Variants in PARD3 observed in about 807,000 individuals in gnomAD.
The protein encoded by PARD3 is partitioning defective 3 homolog.
PARD3 carries 75 observed loss-of-function variants against 155.4 expected under a neutral mutation model. The ratio of observed to expected loss-of-function variants is 0.48; its 90% confidence interval spans 0.40 to 0.58. The LOEUF (loss-of-function observed/expected upper bound fraction) is 0.58, where lower values mean the gene tolerates loss of function less well. Among genes scored for constraint, PARD3 ranks in the 20% least tolerant of loss-of-function variants. PARD3 has a pLI of 0.00. For missense variants in PARD3, 1,642 were observed against 1,721.7 expected (o/e 0.95, Z 0.82); for synonymous variants, 576 against 610.5 (o/e 0.94, Z 0.83).
intron 1 of PARD3, among the ~76,000 whole-genome samples, chr10:34,724,030 C>T (rs1186927664): frequency 5.9e-5 from 9 of 152,198 alleles, no homozygotes; most frequent in Admixed American, 5.2e-4. Context: ...TTCCTGTTCA[C>T]TGCAGAGGGA....
At chr10:34,547,022 CT>C (rs1474400650) in intron 2 of PARD3, among the ~76,000 whole-genome samples, 4 of 152,180 alleles carry the variant, frequency 2.6e-5, no homozygotes, top group African/African-American at 9.7e-5. Flanking sequence ...TTTTTATAAA[CT>C]TTAGTTTCTC....
chr10:34,141,067 T>C (rs1442818345), intron 22 of PARD3, among the ~76,000 whole-genome samples: 3 of 152,226 alleles, frequency 2.0e-5, no homozygotes, highest in Non-Finnish European at 2.9e-5. Context: ...CAGACATTTA[T>C]GATATTGCAC....
At chr10:34,266,309 G>A (rs10827342) in intron 22 of PARD3, among the ~76,000 whole-genome samples, 39,772 of 151,890 alleles carry the variant, frequency 0.26, 6,379 homozygotes, top group South Asian at 0.46. Flanking sequence ...AACAGACAAT[G>A]GAGGTGATAC....
At chr10:34,766,260 G>A (rs1165231650) in intron 1 of PARD3, among the ~76,000 whole-genome samples, 1 of 152,118 alleles carries the variant, frequency 6.6e-6, no homozygotes, top group Non-Finnish European at 1.5e-5. Context: ...CTGTATGGGG[G>A]ACGTGGGGGG....
intron 2 of PARD3, among the ~76,000 whole-genome samples, chr10:34,676,304 T>C (rs563326105): frequency 6.6e-6 from 1 of 152,316 alleles, no homozygotes; most frequent in East Asian, 1.9e-4. Context: ...TGTCACATCC[T>C]GGCTCCTAGC....
At chr10:34,534,132 G>A (rs2083054296) in intron 2 of PARD3, among the ~76,000 whole-genome samples, 1 of 151,984 alleles carries the variant, frequency 6.6e-6, no homozygotes, top group African/African-American at 2.4e-5. Context: ...CGGGCATGGT[G>A]GCGGGCGCCT....
intron 1 of PARD3, among the ~76,000 whole-genome samples, chr10:34,760,467 G>T (rs1214518665): frequency 6.6e-6 from 1 of 152,136 alleles, no homozygotes; most frequent in Admixed American, 6.6e-5. Context: ...AAGTACCTGG[G>T]ATTACAGGCA....
chr10:34,576,342 TC>T (rs2086887983), intron 2 of PARD3, among the ~76,000 whole-genome samples: 1 of 152,152 alleles, frequency 6.6e-6, no homozygotes, highest in Non-Finnish European at 1.5e-5. Context: ...GCTTGTGCAT[TC>T]TCTCATCAGC....
At chr10:34,457,358 G>A (rs2077392499) in intron 4 of PARD3, among the ~76,000 whole-genome samples, 1 of 152,174 alleles carries the variant, frequency 6.6e-6, no homozygotes, top group African/African-American at 2.4e-5. Flanking sequence ...ATGCTCGTTT[G>A]AACCAATTTT....
At chr10:34,583,071 C>T (rs913454331) in intron 2 of PARD3, among the ~76,000 whole-genome samples, 5 of 152,194 alleles carry the variant, frequency 3.3e-5, no homozygotes, top group African/African-American at 1.2e-4. Context: ...GAGAAACAAA[C>T]TCTTAGCATG....
intron 22 of PARD3, among the ~76,000 whole-genome samples, chr10:34,178,457 A>G (rs1387756137): frequency 6.6e-6 from 1 of 152,368 alleles, no homozygotes; most frequent in East Asian, 1.9e-4. Context: ...ATGACTTTAA[A>G]TGTCCCTGGG....
intron 2 of PARD3, among the ~76,000 whole-genome samples, chr10:34,670,117 C>T (rs568493100): frequency 5.3e-5 from 8 of 152,354 alleles, no homozygotes; most frequent in African/African-American, 1.4e-4. Context: ...GTGGCTTATC[C>T]GTGCTCTTAT....
intron 22 of PARD3, 75 bp downstream of exon 22, chr10:34,269,582 A>C: frequency 6.6e-7 from 1 of 1,512,332 alleles, no homozygotes; most frequent in Non-Finnish European, 9.0e-7. Context: ...AGGATTGATG[A>C]ATGGTCTACT....
intron 5 of PARD3, among the ~76,000 whole-genome samples, chr10:34,437,950 A>G (rs1589573676): frequency 6.6e-6 from 1 of 152,192 alleles, no homozygotes; most frequent in Non-Finnish European, 1.5e-5. Flanking sequence ...TCTTGGGCCT[A>G]TAAGAACACT....
At chr10:34,475,143 T>C (rs981898507) in intron 3 of PARD3, among the ~76,000 whole-genome samples, 1 of 152,196 alleles carries the variant, frequency 6.6e-6, no homozygotes, top group Non-Finnish European at 1.5e-5. Flanking sequence ...CTAGTGATAT[T>C]TACCATTTTA....
intron 20 of PARD3, among the ~76,000 whole-genome samples, chr10:34,309,244 A>G (rs924578856): frequency 6.6e-6 from 1 of 152,104 alleles, no homozygotes; most frequent in Non-Finnish European, 1.5e-5. Context: ...GCATGGTGCA[A>G]AACAATGTGA....
At chr10:34,337,488 G>A in intron 16 of PARD3, 62 bp from the exon 17 acceptor site, 1 of 1,123,162 alleles carries the variant, frequency 8.9e-7, no homozygotes, top group Non-Finnish European at 1.2e-6. Flanking sequence ...TCCATTTTAG[G>A]GAGGTTCATA....
intron 5 of PARD3, among the ~76,000 whole-genome samples, chr10:34,422,034 C>A (rs564666718): frequency 6.6e-6 from 1 of 152,092 alleles, no homozygotes; most frequent in African/African-American, 2.4e-5. Flanking sequence ...GAGGACCAGA[C>A]CAAGGGCCCT....
chr10:34,675,591 CTTT>C (rs112555249), intron 2 of PARD3: 3 of 143,286 alleles, frequency 2.1e-5, no homozygotes, highest in African/African-American at 2.5e-5. Context: ...AATACCCCAA[CTTT>C]TTTTTTTTTT....
Sources: allele counts gnomAD v4.1 joint callset (sites outside exome capture counted in the v4.1 genomes callset), GRCh38; gene constraint gnomAD v4.1.1; transcripts MANE v1.5; gene names NCBI Gene and HGNC (gene_info 2026-07-23, HGNC 2026-07-21).